NTM: variants seen among roughly 807,000 people sequenced by gnomAD.
NTM encodes IgLON family member 2.
NTM carries 13 observed loss-of-function variants against 42.1 expected under a neutral mutation model. The observed-to-expected ratio is 0.31, with a 90% CI of 0.20 to 0.49. The LOEUF (loss-of-function observed/expected upper bound fraction) is 0.49, where lower values mean the gene tolerates loss of function less well. NTM is among the 20% of genes least tolerant of loss of function. NTM has a pLI of 0.99. For synonymous variants in NTM, 187 were observed against 179.2 expected, an observed-to-expected ratio of 1.04 and a Z score of -0.35; for missense variants, 373 against 452.8, an observed-to-expected ratio of 0.82 and a Z score of 1.60.
At chr11:131,690,491 G>A (rs1284837123) in intron 1 of NTM, among the ~76,000 whole-genome samples, 1 of 152,206 alleles carries the variant, frequency 6.6e-6, no homozygotes, top group African/African-American at 2.4e-5. Flanking sequence ...TGCTGCACGG[G>A]CTCAGCATGG....
At chr11:132,097,227 T>G (rs1162099020) in intron 2 of NTM, among the ~76,000 whole-genome samples, 2 of 152,202 alleles carry the variant, frequency 1.3e-5, no homozygotes, top group Non-Finnish European at 2.9e-5. Context: ...ACGCAAGTGT[T>G]GTGTGTGTGG....
intron 1 of NTM, among the ~76,000 whole-genome samples, chr11:131,702,077 A>G (rs2076132479): frequency 1.3e-5 from 2 of 152,160 alleles, no homozygotes; most frequent in African/African-American, 4.8e-5. Flanking sequence ...CAAATAGCCC[A>G]AACCGCCCTC....
In NTM at chr11:132,002,840, T is replaced by G. The variant is rs1370529916; in HGVS notation, c.167+91192T>G. Among the ~76,000 whole-genome samples, 1 of 151,590 alleles carries G rather than the reference T, an allele frequency of 6.6e-6. No individual in the cohort carries two copies. Among genetic ancestry groups the G allele is most frequent in the Non-Finnish European group, 1.5e-5 (1 of 68,038 alleles). On this transcript the variant is annotated intron_variant, in intron 2 of 8. Coordinates refer to ENST00000683400, the MANE Select transcript of NTM (RefSeq NM_001352005.2). The surrounding 1 kb of genome is among the most constrained non-coding windows in gnomAD (Gnocchi z 4.5). ...AAGTTGAAGATTGAGTTTTATACAT[T>G]TAAAGTCCTAGAACAAAGCCTGCAC...
intron 1 of NTM, among the ~76,000 whole-genome samples, chr11:131,717,488 C>T (rs1242111778): frequency 1.3e-5 from 2 of 152,138 alleles, no homozygotes; most frequent in East Asian, 1.9e-4. Flanking sequence ...TTTTAATGAC[C>T]CTTTTGAATG....
intron 4 of NTM, among the ~76,000 whole-genome samples, chr11:132,237,967 G>A (rs1003702930): frequency 2.0e-5 from 3 of 152,000 alleles, no homozygotes; most frequent in Admixed American, 6.6e-5. Context: ...CATTATCACC[G>A]GAATATTACC....
At chr11:131,459,274 C>G (rs1951169171) in intron 1 of NTM, among the ~76,000 whole-genome samples, 1 of 152,238 alleles carries the variant, frequency 6.6e-6, no homozygotes, top group Admixed American at 6.5e-5. Flanking sequence ...TCACCTGCTT[C>G]TCTACAGTTG....
At chr11:131,744,538 T>G (rs1407141780) in intron 1 of NTM, among the ~76,000 whole-genome samples, 1 of 152,146 alleles carries the variant, frequency 6.6e-6, no homozygotes, top group Non-Finnish European at 1.5e-5. Context: ...TCAAGCAGTC[T>G]GCGGAAAAGC....
intron 1 of NTM, among the ~76,000 whole-genome samples, chr11:131,891,262 T>A (rs1468074326): frequency 1.3e-5 from 2 of 152,086 alleles, no homozygotes; most frequent in Non-Finnish European, 2.9e-5. Context: ...AGAGATCCCT[T>A]CTCACTGGGA....
intron 2 of NTM, among the ~76,000 whole-genome samples, chr11:132,066,633 C>T (rs914848837): frequency 5.3e-5 from 8 of 152,188 alleles, no homozygotes; most frequent in Non-Finnish European, 1.0e-4. Context: ...TCTCTTCTTT[C>T]TTCCAGTGGC....
At chr11:131,744,587 A>G (rs566962499) in intron 1 of NTM, among the ~76,000 whole-genome samples, 2 of 152,288 alleles carry the variant, frequency 1.3e-5, no homozygotes, top group African/African-American at 4.8e-5. Flanking sequence ...GAAGTCTATT[A>G]AGGAATTGGA....
At chr11:132,246,662 A>ATGAGC (rs1215831366) in intron 4 of NTM, among the ~76,000 whole-genome samples, 7 of 152,232 alleles carry the variant, frequency 4.6e-5, no homozygotes, top group African/African-American at 1.7e-4. Flanking sequence ...AAGCTGAAAA[A>ATGAGC]TGAGCTGAGC....
At chr11:132,044,612 A>G (rs1276598893) in intron 2 of NTM, among the ~76,000 whole-genome samples, 1 of 152,088 alleles carries the variant, frequency 6.6e-6, no homozygotes, top group Non-Finnish European at 1.5e-5. Context: ...CCCCATTGCT[A>G]TCATGGGTGT....
intron 3 of NTM, among the ~76,000 whole-genome samples, chr11:132,194,904 C>A (rs770468048): frequency 6.7e-6 from 1 of 148,822 alleles, no homozygotes; most frequent in Non-Finnish European, 1.5e-5. Context: ...CTCACTGCAA[C>A]CTCCACCTCC....
intron 1 of NTM, among the ~76,000 whole-genome samples, chr11:131,876,455 G>T (rs992547110): frequency 6.6e-6 from 1 of 152,172 alleles, no homozygotes; most frequent in Admixed American, 6.5e-5. Flanking sequence ...TCAGGTGCCT[G>T]GTCCTATTAC....
At chr11:131,829,044 T>C (rs1483282500) in intron 1 of NTM, among the ~76,000 whole-genome samples, 1 of 151,938 alleles carries the variant, frequency 6.6e-6, no homozygotes, top group East Asian at 1.9e-4. Context: ...CACATACTTA[T>C]ATTGAAAGTT....
At chr11:131,575,974 T>C (rs1181815346) in intron 1 of NTM, among the ~76,000 whole-genome samples, 1 of 152,222 alleles carries the variant, frequency 6.6e-6, no homozygotes, top group African/African-American at 2.4e-5. Context: ...TTTTATTCCT[T>C]GTCTGATGCT....
intron 3 of NTM, among the ~76,000 whole-genome samples, chr11:132,172,965 G>A (rs2076313753): frequency 6.6e-6 from 1 of 152,206 alleles, no homozygotes; most frequent in African/African-American, 2.4e-5. Flanking sequence ...TAATACCAAA[G>A]GACCAGTATA....
At chr11:132,239,646 A>T (rs954524922) in intron 4 of NTM, among the ~76,000 whole-genome samples, 1 of 152,206 alleles carries the variant, frequency 6.6e-6, no homozygotes, top group Non-Finnish European at 1.5e-5. Flanking sequence ...CTTTTACTGT[A>T]CATCTTCCCT....
At chr11:131,399,776 C>T (rs1944928868) in intron 1 of NTM, among the ~76,000 whole-genome samples, 1 of 152,162 alleles carries the variant, frequency 6.6e-6, no homozygotes, top group African/African-American at 2.4e-5. Context: ...TCTTGGGACT[C>T]TGCACCTGAC....
Sources: gnomAD v4.1 joint callset for allele counts (sites outside exome capture counted in the v4.1 genomes callset) on GRCh38, gnomAD v4.1.1 for gene constraint, Gnocchi (gnomAD v3.1) non-coding constraint, MANE v1.5 for transcripts, NCBI Gene and HGNC (gene_info 2026-07-23, HGNC 2026-07-21) for gene names.